The following DSCAM variants were observed in gnomAD, a reference collection of about 807,000 sequenced individuals.
The protein encoded by DSCAM is DS cell adhesion molecule, also known as cell adhesion molecule DSCAM.
A neutral mutation model predicts 217.7 loss-of-function variants in DSCAM; 47 were observed. The ratio of observed to expected loss-of-function variants is 0.22; its 90% CI spans 0.17 to 0.28. The LOEUF (loss-of-function observed/expected upper bound fraction) is 0.28. Ranked by LOEUF, DSCAM falls within the 10% of genes least tolerant of loss-of-function variation. The pLI is 1.00. For synonymous variants in DSCAM, 1,056 were observed against 1,015.3 expected, an observed-to-expected ratio of 1.04 and a Z score of -0.76; for missense variants, 2,080 against 2,618.3, an observed-to-expected ratio of 0.79 and a Z score of 4.49.
At position 40,637,067 on chromosome 21, in the gene DSCAM, G is replaced by C. The variant is rs1372816722; in HGVS notation, c.508+55743C>G. The stretch of plus-strand genomic sequence containing the variant: ...AATGTGAAAATATGAAAAACATAAA[G>C]GTTGGGTATTTTTCAAAAATAGAAG... On this transcript the variant is annotated intron_variant, in intron 3 of 32. Transcript: ENST00000400454. 3.1e-5 allele frequency among the ~76,000 whole-genome samples: 4 copies of C among 130,102 alleles called. No individual in the cohort carries two copies. In the Admixed American group the frequency reaches 3.8e-4, roughly 12 times the overall value. The allele number at this position is 130,102 out of a possible 152,430, so 85.4% of individuals were successfully genotyped here. A position where few individuals can be genotyped will look rare whatever the true frequency, so the allele number is the denominator to read the frequency against.
intron 3 of DSCAM, among the ~76,000 whole-genome samples, chr21:40,652,055 A>G (rs992285888): frequency 1.3e-5 from 2 of 151,584 alleles, no homozygotes; most frequent in Admixed American, 6.6e-5. Flanking sequence ...TCAGGGGAAA[A>G]GGTAAAAGAT....
At chr21:40,836,504 T>C (rs1163386980) in intron 1 of DSCAM, among the ~76,000 whole-genome samples, 2 of 152,234 alleles carry the variant, frequency 1.3e-5, no homozygotes, top group African/African-American at 4.8e-5. Context: ...TCCCGAAAGA[T>C]GCCCAAATTC....
Position 40,189,646 on chromosome 21 carries a change from T to C in DSCAM, c.2357-408A>G, listed in dbSNP as rs145564322. Among the ~76,000 whole-genome samples the C allele has an allele frequency of 3.9e-3, 594 of 152,272 alleles. 3 individuals are homozygous for C. The highest frequency in any genetic ancestry group is 0.013 in the African/African-American group (544 of 41,546). On this transcript the variant is annotated intron_variant, in intron 11 of 32. Transcript: ENST00000400454. ...GGTAATTGAGTCATGGAGGCGGATCTTTCCCATGCTGTTCTCATGATAGTG... is the reference window on the plus strand; with the variant it reads ...GGTAATTGAGTCATGGAGGCGGATCCTTCCCATGCTGTTCTCATGATAGTG...
intron 20 of DSCAM, among the ~76,000 whole-genome samples, chr21:40,114,435 T>C (rs1057033783): frequency 2.0e-5 from 3 of 151,366 alleles, no homozygotes; most frequent in Admixed American, 6.6e-5. Flanking sequence ...AAGACTTAAA[T>C]GTTAGATCTA....
intron 3 of DSCAM, among the ~76,000 whole-genome samples, chr21:40,687,568 AT>A (rs1187590761): frequency 6.6e-6 from 1 of 152,048 alleles, no homozygotes; most frequent in Non-Finnish European, 1.5e-5. Context: ...CCCTCCCCAC[AT>A]GAGAATACGG....
chr21:40,122,878 G>A (rs2090050195), intron 20 of DSCAM, among the ~76,000 whole-genome samples: 1 of 152,146 alleles, frequency 6.6e-6, no homozygotes, highest in African/African-American at 2.4e-5. Flanking sequence ...GGCCTCAGGG[G>A]CACCTGTGGA....
intron 11 of DSCAM, among the ~76,000 whole-genome samples, chr21:40,209,785 G>A (rs2091164541): frequency 6.6e-6 from 1 of 152,078 alleles, no homozygotes; most frequent in African/African-American, 2.4e-5. Flanking sequence ...CCATAATCAG[G>A]ATGCCTGTGC....
At chr21:40,678,350 T>C (rs4818160) in intron 3 of DSCAM, among the ~76,000 whole-genome samples, 70,164 of 151,986 alleles carry the variant, frequency 0.46, 16,605 homozygotes, top group East Asian at 0.59. Flanking sequence ...ACAGAACTAG[T>C]GCAGACACAA....
At chr21:40,097,436 C>CA (rs938552966) in intron 20 of DSCAM, among the ~76,000 whole-genome samples, 45 of 151,284 alleles carry the variant, frequency 3.0e-4, no homozygotes, top group African/African-American at 9.0e-4. Context: ...AATGGAATTA[C>CA]AAAAAAAACC....
chr21:40,453,110 T>G (rs2075735255), intron 3 of DSCAM, among the ~76,000 whole-genome samples: 1 of 150,954 alleles, frequency 6.6e-6, no homozygotes, highest in African/African-American at 2.4e-5. Flanking sequence ...TGTGTATATC[T>G]ACACATACAT....
chr21:40,767,534 C>T (rs2091404166), intron 1 of DSCAM, among the ~76,000 whole-genome samples: 2 of 152,168 alleles, frequency 1.3e-5, no homozygotes, highest in Non-Finnish European at 2.9e-5. Flanking sequence ...AAATAAGCTT[C>T]TCCAGCTAGG....
At chr21:40,474,225 G>A (rs1386461423) in intron 3 of DSCAM, among the ~76,000 whole-genome samples, 2 of 152,062 alleles carry the variant, frequency 1.3e-5, no homozygotes, top group South Asian at 2.1e-4. Context: ...CCTAGGAGGT[G>A]GAGGTTGTAG....
At chr21:40,580,045 G>A (rs541318019) in intron 3 of DSCAM, among the ~76,000 whole-genome samples, 1 of 151,822 alleles carries the variant, frequency 6.6e-6, no homozygotes, top group African/African-American at 2.4e-5. Context: ...ACAGATTCTA[G>A]ATCTACCTTG....
chr21:40,765,065 G>T (rs1413408369), intron 1 of DSCAM, among the ~76,000 whole-genome samples: 2 of 150,094 alleles, frequency 1.3e-5, no homozygotes, highest in African/African-American at 2.5e-5. Flanking sequence ...GTGTACCTAT[G>T]TAACAAACCT....
chr21:40,341,389 C>T (rs1428235836), intron 6 of DSCAM, among the ~76,000 whole-genome samples: 1 of 152,128 alleles, frequency 6.6e-6, no homozygotes, highest in East Asian at 1.9e-4. Flanking sequence ...CTGGTTTTTA[C>T]ATTAAGCTCT....
chr21:40,019,410 C>T (rs964593743), intron 32 of DSCAM, among the ~76,000 whole-genome samples: 1 of 152,206 alleles, frequency 6.6e-6, no homozygotes, highest in African/African-American at 2.4e-5. Context: ...GGCTCAGTTT[C>T]CTTATCCATA....
In DSCAM at chr21:40,273,939, G is replaced by A. The variant is rs527614102; in HGVS notation, c.2356+2158C>T. Among the ~76,000 whole-genome samples, 53 of 152,178 alleles carry A rather than the reference G, an allele frequency of 3.5e-4. 1 individual carries two copies. Among genetic ancestry groups the A allele is most frequent in the African/African-American group, 7.5e-4 (31 of 41,530 alleles). The stretch of plus-strand genomic sequence containing the variant: ...CAGATTCTAGTATCATCACACTGGC[G>A]GTAAGATTTCAACATATGGACTTTG... On this transcript the variant is annotated intron_variant, in intron 11 of 32. Transcript: ENST00000400454.
At chr21:40,754,149 G>A (rs368958035) in intron 1 of DSCAM, among the ~76,000 whole-genome samples, 13 of 152,218 alleles carry the variant, frequency 8.5e-5, no homozygotes, top group South Asian at 2.1e-4. Flanking sequence ...CAGACCCTCC[G>A]ACACATCCTC....
At chr21:40,534,074 G>C (rs1336054763) in intron 3 of DSCAM, among the ~76,000 whole-genome samples, 1 of 152,130 alleles carries the variant, frequency 6.6e-6, no homozygotes, top group African/African-American at 2.4e-5. Context: ...GAAGGTAAAA[G>C]CTAAATACCA....
Sources: gnomAD v4.1 joint callset for allele counts (sites outside exome capture counted in the v4.1 genomes callset) on GRCh38, gnomAD v4.1.1 for gene constraint, MANE v1.5 for transcripts, NCBI Gene and HGNC (gene_info 2026-07-23, HGNC 2026-07-21) for gene names.